Variants in SEMA6D observed in about 807,000 individuals in gnomAD.
SEMA6D encodes semaphorin 6D.
A neutral mutation model predicts 106.6 loss-of-function variants in SEMA6D; 35 were observed. The observed-to-expected ratio is 0.33, with a 90% confidence interval of 0.25 to 0.44. SEMA6D has a LOEUF of 0.44. Among genes scored for constraint, SEMA6D ranks in the 20% least tolerant of loss-of-function variants. The probability of loss-of-function intolerance (pLI) is 1.00; values close to 1 mark genes in which losing one functional copy is unlikely to be tolerated. For synonymous variants in SEMA6D, 499 were observed against 487.7 expected (o/e 1.02, Z -0.31); for missense variants, 1,185 against 1,345.9 (o/e 0.88, Z 1.87).
rs536398008 is a variant in SEMA6D, at chr15:47,476,365, A to G, written c.-87+5820A>G. Among the ~76,000 whole-genome samples, 178 of 152,294 alleles carry G rather than the reference A, an allele frequency of 1.2e-3. 1 individual carries two copies. Among genetic ancestry groups the G allele is most frequent in the Non-Finnish European group, 1.3e-3 (88 of 68,016 alleles). The stretch of plus-strand genomic sequence containing the variant: ...AAAATAAAAGCTTTTATTTAATAAA[A>G]GGAGATGGACCTAATTATTGTACTC... On this transcript the variant is annotated intron_variant, in intron 3 of 19. Coordinates refer to the SEMA6D transcript ENST00000558014.
intron 4 of SEMA6D, among the ~76,000 whole-genome samples, chr15:47,701,472 T>A (rs890136473): frequency 5.3e-5 from 8 of 152,156 alleles, no homozygotes; most frequent in African/African-American, 1.9e-4. Context: ...TTAATAACAA[T>A]GAATTCTATT....
chr15:47,245,671 A>G (rs1049951415), intron 1 of SEMA6D, among the ~76,000 whole-genome samples: 7 of 152,220 alleles, frequency 4.6e-5, no homozygotes, highest in African/African-American at 1.7e-4. Flanking sequence ...AATTTTCTGC[A>G]TGCTAAGCAT....
intron 1 of SEMA6D, among the ~76,000 whole-genome samples, chr15:47,233,134 G>A (rs2032317735): frequency 6.6e-6 from 1 of 151,908 alleles, no homozygotes; most frequent in Non-Finnish European, 1.5e-5. Flanking sequence ...GCTTGAGTCT[G>A]GGGTCCAAAT....
chr15:47,743,448 C>T (rs952804679), intron 1 of SEMA6D, among the ~76,000 whole-genome samples: 56 of 151,992 alleles, frequency 3.7e-4, no homozygotes, highest in African/African-American at 1.4e-3. Flanking sequence ...CTATTAAAAC[C>T]CTGTGGACTA....
chr15:47,713,109 G>A (rs2079050680), upstream of SEMA6D, among the ~76,000 whole-genome samples: 1 of 151,884 alleles, frequency 6.6e-6, no homozygotes, highest in South Asian at 2.1e-4. Flanking sequence ...ATTTCGCTTG[G>A]GCACTCAGTG....
chr15:47,710,302 T>G (rs1048565584), intron 4 of SEMA6D, among the ~76,000 whole-genome samples: 1 of 152,288 alleles, frequency 6.6e-6, no homozygotes, highest in Non-Finnish European at 1.5e-5. Flanking sequence ...GGCTTACAAA[T>G]GAGAAACCGA....
intron 1 of SEMA6D, among the ~76,000 whole-genome samples, chr15:47,729,444 C>A (rs552734646): frequency 6.6e-6 from 1 of 152,264 alleles, no homozygotes; most frequent in Non-Finnish European, 1.5e-5. Flanking sequence ...GCCAAGGGAC[C>A]ACTTTGGAGG....
chr15:47,544,150 A>G (rs755408668), intron 3 of SEMA6D, among the ~76,000 whole-genome samples: 7 of 152,170 alleles, frequency 4.6e-5, no homozygotes, highest in Admixed American at 3.9e-4. Flanking sequence ...GCAACCAGGT[A>G]TTATATAAAA....
At chr15:47,446,306 C>T (rs553362397) in intron 2 of SEMA6D, among the ~76,000 whole-genome samples, 16 of 152,238 alleles carry the variant, frequency 1.1e-4, no homozygotes, top group South Asian at 8.3e-4. Context: ...GGGAAGCCAG[C>T]GCATACCAGT....
intron 1 of SEMA6D, among the ~76,000 whole-genome samples, chr15:47,366,235 A>G (rs1189958154): frequency 2.6e-5 from 4 of 152,196 alleles, no homozygotes; most frequent in Non-Finnish European, 5.9e-5. Context: ...TAAATATCTT[A>G]TTGTTGATAC....
chr15:47,528,321 T>G (rs2044832271), intron 3 of SEMA6D, among the ~76,000 whole-genome samples: 1 of 152,192 alleles, frequency 6.6e-6, no homozygotes, highest in Non-Finnish European at 1.5e-5. Context: ...ATCTAGATCT[T>G]GCTCATCACT....
intron 1 of SEMA6D, among the ~76,000 whole-genome samples, chr15:47,364,080 C>G (rs630698): frequency 0.87 from 132,790 of 152,218 alleles, 58,127 homozygotes; most frequent in African/African-American, 0.89. Flanking sequence ...TGGGGACACA[C>G]AGCCAAACCG....
chr15:47,293,795 G>A (rs1049681506), intron 1 of SEMA6D, among the ~76,000 whole-genome samples: 1 of 152,166 alleles, frequency 6.6e-6, no homozygotes, highest in African/African-American at 2.4e-5. Flanking sequence ...TGGCAGGAAT[G>A]CACAATTTTC....
intron 3 of SEMA6D, among the ~76,000 whole-genome samples, chr15:47,496,018 A>G (rs1469696527): frequency 1.3e-5 from 2 of 152,066 alleles, no homozygotes; most frequent in Non-Finnish European, 2.9e-5. Flanking sequence ...GAAATTCTCT[A>G]AGGGAGACAG....
At chr15:47,699,302 G>C (rs2078762605) in intron 4 of SEMA6D, among the ~76,000 whole-genome samples, 3 of 152,158 alleles carry the variant, frequency 2.0e-5, no homozygotes, top group Non-Finnish European at 4.4e-5. Context: ...GCCAAGCACT[G>C]TGCAAAGTAC....
chr15:47,299,365 C>A (rs902086696), intron 1 of SEMA6D, among the ~76,000 whole-genome samples: 1 of 152,214 alleles, frequency 6.6e-6, no homozygotes. Flanking sequence ...ATTTGCCTCA[C>A]AGCACATAAC....
chr15:47,236,456 A>C, intron 1 of SEMA6D, among the ~76,000 whole-genome samples: 1 of 152,166 alleles, frequency 6.6e-6, no homozygotes, highest in Middle Eastern at 3.2e-3. Context: ...ATCAGTAATA[A>C]TGCAATTAAA....
At chr15:47,365,913 GA>G (rs2039007034) in intron 1 of SEMA6D, among the ~76,000 whole-genome samples, 1 of 146,424 alleles carries the variant, frequency 6.8e-6, no homozygotes. Context: ...GAGAGAGAGA[GA>G]GAGAGAGAGA....
intron 1 of SEMA6D, among the ~76,000 whole-genome samples, chr15:47,315,014 C>T (rs183990414): frequency 0.018 from 2,655 of 150,894 alleles, 86 homozygotes; most frequent in African/African-American, 0.061. Flanking sequence ...TACAGGCGCC[C>T]GCCATCACGC....
Sources: gnomAD v4.1 joint callset for allele counts (sites outside exome capture counted in the v4.1 genomes callset) on GRCh38, gnomAD v4.1.1 for gene constraint, MANE v1.5 for transcripts, NCBI Gene and HGNC (gene_info 2026-07-23, HGNC 2026-07-21) for gene names.